RAD51B: variants seen among roughly 807,000 people sequenced by gnomAD.
RAD51B encodes RAD51 paralog B.
In RAD51B, 38 loss-of-function variants were observed where a neutral mutation model predicts 42.2. That is an observed-to-expected ratio of 0.90 (90% CI 0.70 to 1.18). RAD51B has a LOEUF of 1.18. Ranked by LOEUF, RAD51B falls within the 50% of genes most tolerant of loss-of-function variation. The pLI is 0.00. For missense variants in RAD51B, 373 were observed against 400.7 expected (o/e 0.93, Z 0.59); for synonymous variants, 154 against 145.2 (o/e 1.06, Z -0.43).
intron 8 of RAD51B, among the ~76,000 whole-genome samples, chr14:68,324,809 A>G (rs868058623): frequency 1.3e-5 from 2 of 152,050 alleles, no homozygotes; most frequent in African/African-American, 2.4e-5. Flanking sequence ...TTATCTACTC[A>G]TGCTTTACTT....
chr14:68,638,059 C>T (rs888491919), intron 10 of RAD51B, among the ~76,000 whole-genome samples: 49 of 152,200 alleles, frequency 3.2e-4, no homozygotes, highest in Admixed American at 3.2e-3. Context: ...AGGTAAGAGG[C>T]CTCAAAGTCA....
chr14:68,439,446 T>C (rs751147213), intron 9 of RAD51B, among the ~76,000 whole-genome samples: 2 of 152,190 alleles, frequency 1.3e-5, no homozygotes, highest in African/African-American at 4.8e-5. Flanking sequence ...ATTCCCCAAA[T>C]TGAATGCTCT....
chr14:67,958,998 T>C (rs370886516), intron 7 of RAD51B, among the ~76,000 whole-genome samples: 2 of 152,308 alleles, frequency 1.3e-5, no homozygotes, highest in East Asian at 3.9e-4. Context: ...TTTCAAAGAA[T>C]CTTTAGGGTT....
At chr14:68,454,777 A>G (rs1352242490) in intron 9 of RAD51B, among the ~76,000 whole-genome samples, 1 of 152,250 alleles carries the variant, frequency 6.6e-6, no homozygotes, top group East Asian at 1.9e-4. Context: ...ATTGCTCACC[A>G]TCATGGCTGC....
At chr14:68,415,532 A>G (rs1021544126) in intron 9 of RAD51B, among the ~76,000 whole-genome samples, 1 of 152,232 alleles carries the variant, frequency 6.6e-6, no homozygotes, top group African/African-American at 2.4e-5. Context: ...ACTTGAGGAA[A>G]CAGATAAGCA....
At chr14:68,019,628 T>G (rs2075831494) in intron 7 of RAD51B, among the ~76,000 whole-genome samples, 1 of 152,110 alleles carries the variant, frequency 6.6e-6, no homozygotes, top group African/African-American at 2.4e-5. Flanking sequence ...AGGGTGGACT[T>G]TGGAACTTGA....
intron 10 of RAD51B, among the ~76,000 whole-genome samples, chr14:68,496,451 C>A (rs1884527060): frequency 6.6e-6 from 1 of 152,228 alleles, no homozygotes; most frequent in Non-Finnish European, 1.5e-5. Context: ...TCTCCTGTCA[C>A]CATCTTCCTT....
At chr14:68,294,219 T>C (rs537827379) in intron 8 of RAD51B, among the ~76,000 whole-genome samples, 1 of 152,310 alleles carries the variant, frequency 6.6e-6, no homozygotes, top group African/African-American at 2.4e-5. Flanking sequence ...ACCCCTGACT[T>C]GTGTTCATAG....
At position 68,035,183 on chromosome 14, in the gene RAD51B, A is replaced by T. The variant is rs1478649751; in HGVS notation, c.756+147979A>T. ...GATTTTATTGTTTTATCTTATTTAC[A>T]GATTCTGACTTTTTTCTTTTCTTTC... On this transcript the variant is annotated intron_variant, in intron 7 of 10. Transcript: ENST00000471583. Among the ~76,000 whole-genome samples, 3 of 152,130 alleles carry T rather than the reference A, an allele frequency of 2.0e-5. No individual in the cohort carries two copies. In the East Asian group the frequency reaches 5.8e-4, roughly 29 times the overall value.
intron 10 of RAD51B, among the ~76,000 whole-genome samples, chr14:68,484,359 C>CTTTTT (rs10665607): frequency 0.1 from 13,423 of 129,842 alleles, 966 homozygotes; most frequent in African/African-American, 0.18. Flanking sequence ...CTTTCTTTTT[C>CTTTTT]TTTTTTTTTT....
intron 7 of RAD51B, among the ~76,000 whole-genome samples, chr14:67,936,027 A>G (rs7159741): frequency 3.1e-4 from 47 of 152,100 alleles, no homozygotes; most frequent in Admixed American, 1.2e-3. Context: ...AGAAAGGTCT[A>G]TCTTATAAAG....
intron 7 of RAD51B, among the ~76,000 whole-genome samples, chr14:68,208,550 G>C (rs767109461): frequency 6.6e-6 from 1 of 152,228 alleles, no homozygotes; most frequent in African/African-American, 2.4e-5. Context: ...AACAATAAAG[G>C]GTTTAATTTT....
At chr14:68,270,622 T>C (rs1044789391) in intron 7 of RAD51B, among the ~76,000 whole-genome samples, 1 of 152,344 alleles carries the variant, frequency 6.6e-6, no homozygotes, top group Admixed American at 6.5e-5. Flanking sequence ...AGTTTTATAA[T>C]GTTAACATCT....
At chr14:68,115,436 C>A (rs1247466572) in intron 7 of RAD51B, among the ~76,000 whole-genome samples, 1 of 118,230 alleles carries the variant, frequency 8.5e-6, no homozygotes, top group Non-Finnish European at 1.7e-5. Flanking sequence ...GGGAGATATA[C>A]CTAATGCTAG....
intron 7 of RAD51B, among the ~76,000 whole-genome samples, chr14:67,960,668 CTTTCTT>C (rs1402134128): frequency 6.6e-6 from 1 of 151,986 alleles, no homozygotes; most frequent in Non-Finnish European, 1.5e-5. Context: ...TGCCTTTTTT[CTTTCTT>C]TTTCTTTTTT....
chr14:67,921,752 G>C (rs995277343), intron 7 of RAD51B, among the ~76,000 whole-genome samples: 23 of 152,062 alleles, frequency 1.5e-4, no homozygotes, highest in Admixed American at 3.3e-4. Context: ...GTTCCCAACT[G>C]GTGCCACTCT....
intron 7 of RAD51B, among the ~76,000 whole-genome samples, chr14:68,033,670 G>C (rs145947977): frequency 1.4e-3 from 208 of 152,300 alleles, no homozygotes; most frequent in African/African-American, 4.7e-3. Flanking sequence ...AGGGCAGAAG[G>C]CTATGGCTTC....
chr14:68,548,759 G>C (rs1185359464), intron 10 of RAD51B, among the ~76,000 whole-genome samples: 2 of 152,298 alleles, frequency 1.3e-5, no homozygotes, highest in African/African-American at 4.8e-5. Context: ...AATGCCCAAG[G>C]CTGATGACCC....
At chr14:68,033,794 G>A (rs1595291780) in intron 7 of RAD51B, among the ~76,000 whole-genome samples, 1 of 152,266 alleles carries the variant, frequency 6.6e-6, no homozygotes, top group Non-Finnish European at 1.5e-5. Context: ...AGCCAAAGTA[G>A]GCTATGGGGC....
Sources: gnomAD v4.1 joint callset for allele counts (sites outside exome capture counted in the v4.1 genomes callset) on GRCh38, gnomAD v4.1.1 for gene constraint, MANE v1.5 for transcripts, NCBI Gene and HGNC (gene_info 2026-07-23, HGNC 2026-07-21) for gene names.